Variants in TRIM63 observed in about 807,000 individuals in gnomAD.
The protein encoded by TRIM63 is tripartite motif containing 63.
In TRIM63, 48 loss-of-function variants were observed where a neutral mutation model predicts 46.0. That is an observed-to-expected ratio of 1.04 (90% confidence interval 0.83 to 1.33). The LOEUF is 1.33. TRIM63 is among the 40% of genes most tolerant of loss of function. The pLI is 0.00. For synonymous variants in TRIM63, 175 were observed against 162.8 expected (o/e 1.08, Z -0.57); for missense variants, 455 against 441.2 (o/e 1.03, Z -0.28).
chr1:26,062,545 G>A (rs1040542911), intron 2 of TRIM63, among the ~76,000 whole-genome samples: 12 of 152,180 alleles, frequency 7.9e-5, no homozygotes, highest in African/African-American at 2.9e-4. Context: ...CCCATGTCAT[G>A]GTGACTGGTG....
chr1:26,055,177 G>C (rs2050560083), intron 7 of TRIM63, among the ~76,000 whole-genome samples: 1 of 151,642 alleles, frequency 6.6e-6, no homozygotes, highest in Non-Finnish European at 1.5e-5. Context: ...CAAGAGTTTT[G>C]CAAGCCAAAT....
At chr1:26,055,893 T>A (rs1257882391) in intron 7 of TRIM63, among the ~76,000 whole-genome samples, 1 of 152,148 alleles carries the variant, frequency 6.6e-6, no homozygotes, top group Non-Finnish European at 1.5e-5. Context: ...AGGCCATTGG[T>A]GTCTCTGCTT....
Position 26,063,155 on chromosome 1 carries a change from C to T in TRIM63, c.333-1821G>A, listed in dbSNP as rs1465166290. Among the ~76,000 whole-genome samples the T allele has an allele frequency of 9.9e-5, 15 of 152,250 alleles. No homozygotes were observed. The East Asian group carries it at 1.9e-3, about 20-fold the overall frequency. On this transcript the variant is annotated intron_variant, in intron 2 of 8. Transcript: ENST00000374272. ...GCGATTCACAGATACACTGCAGCCTCGAACTCCTGGGCTGAGCAATCCTCC... is the reference window on the plus strand; with the variant it reads ...GCGATTCACAGATACACTGCAGCCTTGAACTCCTGGGCTGAGCAATCCTCC...
intron 7 of TRIM63, among the ~76,000 whole-genome samples, chr1:26,056,952 G>A (rs1466024490): frequency 6.6e-6 from 1 of 152,212 alleles, no homozygotes; most frequent in South Asian, 2.1e-4. Flanking sequence ...TAGTAGAGAT[G>A]AGGTTTCACC....
chr1:26,052,454 TTTTTC>T (rs1032236813), intron 8 of TRIM63, among the ~76,000 whole-genome samples: 1 of 152,086 alleles, frequency 6.6e-6, no homozygotes, highest in African/African-American at 2.4e-5. Flanking sequence ...GCATGTCCCA[TTTTTC>T]TTTTCTTTTC....
chr1:26,057,553 C>A, intron 6 of TRIM63, 75 bp downstream of exon 6: 1 of 1,535,434 alleles, frequency 6.5e-7, no homozygotes, highest in Non-Finnish European at 8.8e-7. Context: ...GCCTAATGCC[C>A]AGGATGAGGC....
rs896597492 is a variant in TRIM63 at position 26,060,312 on chromosome 1, A to C, written c.551T>G (p.Val184Gly). Residue 184 changes from valine (V) to glycine (G), a missense_variant, in exon 4 of 9, where the codon GTG becomes GGG. Coordinates refer to ENST00000374272, the MANE Select transcript of TRIM63 (RefSeq NM_032588.4). ...ISMLVAGNDR[V>G]QTIITQLEDS... ...CTCCAGCTGAGTGATGATGGTCTGC[A>C]CACGGTCATTCCCCGCCACCAGCAT... 75 of 1,614,002 alleles carry C rather than the reference A, an allele frequency of 4.6e-5. No individual in the cohort carries two copies. Among genetic ancestry groups the C allele is most frequent in the Non-Finnish European group, 6.3e-5 (74 of 1,180,030 alleles).
chr1:26,060,189 A>G (rs776275191), intron 4 of TRIM63, 77 bp downstream of exon 4: 81 of 1,367,136 alleles, frequency 5.9e-5, no homozygotes, highest in Admixed American at 1.5e-4. Flanking sequence ...GCCACAACCT[A>G]TGGGTGAGCC....
At chr1:26,053,838 G>T in intron 8 of TRIM63, 55 bp downstream of exon 8, 2 of 1,354,946 alleles carry the variant, frequency 1.5e-6, no homozygotes, top group Non-Finnish European at 2.1e-6. Flanking sequence ...AGGCACCTCA[G>T]ATTGTTGTGG....
chr1:26,058,273 A>C, intron 5 of TRIM63, 117 bp downstream of exon 5: 1 of 831,944 alleles, frequency 1.2e-6, no homozygotes, highest in Non-Finnish European at 2.0e-6. Flanking sequence ...ACTGAGGCTC[A>C]CAGAGGTTTA....
intron 2 of TRIM63, among the ~76,000 whole-genome samples, chr1:26,062,944 A>T (rs1024112416): frequency 6.6e-6 from 1 of 151,976 alleles, no homozygotes; most frequent in South Asian, 2.1e-4. Context: ...TTTAGTAGAG[A>T]TGGGGTTTCA....
chr1:26,064,671 A>C (rs906797325), intron 2 of TRIM63, among the ~76,000 whole-genome samples: 4 of 152,236 alleles, frequency 2.6e-5, no homozygotes, highest in African/African-American at 9.6e-5. Flanking sequence ...TTGATACATT[A>C]ACCATTTTCC....
chr1:26,052,703 G>A (rs935992522), intron 8 of TRIM63, among the ~76,000 whole-genome samples: 1 of 152,062 alleles, frequency 6.6e-6, no homozygotes, highest in African/African-American at 2.4e-5. Flanking sequence ...CTGACCTCAG[G>A]TGATCCGCCT....
rs2050582238 is a variant in TRIM63, at chr1:26,057,318, T to C, written c.864A>G (p.Glu288=). 1 of 1,613,988 alleles carries C rather than the reference T, an allele frequency of 6.2e-7. No individual in the cohort carries two copies. The highest frequency in any genetic ancestry group is 1.7e-5 in the Admixed American group (1 of 59,988). The change falls in exon 7 of 9, where the codon GAA becomes GAG. Residue 288 remains glutamate, a synonymous_variant. Transcript: ENST00000374272. Reference sequence around the variant, plus strand: ...TCCCCAGCTGGCAGCCCTTGGAAGCTTCCACAATGCTGCAGGGGAGACAGA... The same window carrying C: ...TCCCCAGCTGGCAGCCCTTGGAAGCCTCCACAATGCTGCAGGGGAGACAGA... The part of the protein sequence containing the change: ...TAKQLIKSIV[E]ASKGCQLGKT...
intron 2 of TRIM63, among the ~76,000 whole-genome samples, chr1:26,063,739 A>G (rs568903119): frequency 2.6e-4 from 39 of 152,324 alleles, no homozygotes; most frequent in African/African-American, 8.7e-4. Flanking sequence ...AACTACTGCA[A>G]TCTGTCTGTA....
intron 4 of TRIM63, among the ~76,000 whole-genome samples, chr1:26,059,562 A>G (rs1181904115): frequency 6.6e-6 from 1 of 152,046 alleles, no homozygotes; most frequent in Non-Finnish European, 1.5e-5. Context: ...GGGTGTGACA[A>G]TAGCATCTCA....
chr1:26,057,796 C>A (rs2050586507), intron 5 of TRIM63, 146 bp from the exon 6 acceptor site: 2 of 798,632 alleles, frequency 2.5e-6, no homozygotes, highest in Admixed American at 6.0e-5. Context: ...CCAAACTGAG[C>A]AGAATCTGGA....
chr1:26,067,599 T>C lies in TRIM63; in HGVS notation c.-105A>G, dbSNP rs2124445257. On this transcript the variant is annotated 5_prime_UTR_variant, in exon 1 of 9. Transcript: ENST00000374272. ...TGTCACAAAACACCGGGTCGGATCCTGTTGGCTTCCTTCTCCTGGTGCCCG... is the reference window on the plus strand; with the variant it reads ...TGTCACAAAACACCGGGTCGGATCCCGTTGGCTTCCTTCTCCTGGTGCCCG... 8 of 1,313,764 alleles carry C rather than the reference T, an allele frequency of 6.1e-6. No homozygotes were observed. Among genetic ancestry groups the C allele is most frequent in the Non-Finnish European group, 8.3e-6 (8 of 966,848 alleles). The allele number at this position is 1,313,764 out of a possible 1,614,324, so 81.4% of individuals were successfully genotyped here. A position where few individuals can be genotyped will look rare whatever the true frequency, so the allele number is the denominator to read the frequency against.
intron 5 of TRIM63, among the ~76,000 whole-genome samples, chr1:26,058,008 A>G (rs1234752866): frequency 6.6e-6 from 1 of 152,152 alleles, no homozygotes; most frequent in Non-Finnish European, 1.5e-5. Context: ...TATTGAACTG[A>G]ACTATGAAGT....
Sources: gnomAD v4.1 joint callset for allele counts (sites outside exome capture counted in the v4.1 genomes callset) on GRCh38, gnomAD v4.1.1 for gene constraint, MANE v1.5 for transcripts, NCBI Gene and HGNC (gene_info 2026-07-23, HGNC 2026-07-21) for gene names.